SLC35F2: variants seen among roughly 807,000 people sequenced by gnomAD.
The protein encoded by SLC35F2 is solute carrier family 35 member F2.
SLC35F2 carries 25 observed loss-of-function variants against 38.1 expected under a neutral mutation model. The observed-to-expected ratio is 0.66, with a 90% confidence interval of 0.48 to 0.92. SLC35F2 has a LOEUF of 0.92. Ranked by LOEUF, SLC35F2 falls within the 40% of genes least tolerant of loss-of-function variation. The pLI, the probability that SLC35F2 is intolerant of heterozygous loss-of-function variation, is 0.00. For synonymous variants in SLC35F2, 173 were observed against 181.7 expected, an observed-to-expected ratio of 0.95 and a Z score of 0.38; for missense variants, 409 against 452.9, an observed-to-expected ratio of 0.90 and a Z score of 0.88.
At chr11:107,836,393 A>G (rs1859932718) in intron 1 of SLC35F2, among the ~76,000 whole-genome samples, 1 of 152,084 alleles carries the variant, frequency 6.6e-6, no homozygotes, top group Admixed American at 6.6e-5. Context: ...TGTAGGTGGA[A>G]GAATACTGGT....
intron 1 of SLC35F2, among the ~76,000 whole-genome samples, chr11:107,846,169 A>G (rs2134853331): frequency 6.6e-6 from 1 of 152,180 alleles, no homozygotes; most frequent in South Asian, 2.1e-4. Context: ...AGTAGAAATC[A>G]TAATTTAGAA....
intron 1 of SLC35F2, among the ~76,000 whole-genome samples, chr11:107,825,723 C>A (rs1056082535): frequency 1.3e-5 from 2 of 152,060 alleles, no homozygotes; most frequent in Admixed American, 6.6e-5. Context: ...TGCTGGTCCA[C>A]GGACCAGACT....
At chr11:107,793,679 G>A (rs140679819) in intron 7 of SLC35F2, among the ~76,000 whole-genome samples, 1 of 152,264 alleles carries the variant, frequency 6.6e-6, no homozygotes, top group East Asian at 1.9e-4. Context: ...GAATTGTAGA[G>A]CTAGAAAGAG....
chr11:107,858,694 C>T lies in SLC35F2; in HGVS notation c.74G>A (p.Ser25Asn). ...LAEGAAAEFS[S>N]LLRRIKGKLF... is the part of the protein sequence containing the mutation. ...TTTGCCTTTTATCCTGCGCAGCAGG[C>T]TGGAGAACTCGGCCGCCGCTCCCTC... Residue 25 changes from serine to asparagine, a missense_variant, in exon 1 of 8, where the codon AGC becomes AAC. By Grantham distance (46) the Ser-to-Asn change is conservative (BLOSUM62 1). Coordinates refer to ENST00000525815, the MANE Select transcript of SLC35F2 (RefSeq NM_017515.5). The T allele has an allele frequency of 3.8e-6, 5 of 1,301,974 alleles. No homozygotes were observed. Among genetic ancestry groups the T allele is most frequent in the South Asian group, 3.4e-5 (1 of 29,808 alleles). The allele number at this position is 1,301,974 out of a possible 1,614,324, so 80.7% of individuals were successfully genotyped here.
intron 1 of SLC35F2, among the ~76,000 whole-genome samples, chr11:107,844,417 C>T (rs1272939374): frequency 6.6e-6 from 1 of 151,328 alleles, no homozygotes; most frequent in Non-Finnish European, 1.5e-5. Context: ...CACCTAAGGT[C>T]AGGAGTTTGA....
intron 4 of SLC35F2, 55 bp from the exon 5 acceptor site, chr11:107,805,570 A>C: frequency 6.4e-7 from 1 of 1,569,128 alleles, no homozygotes; most frequent in East Asian, 2.3e-5. Context: ...GAACCTCCAC[A>C]GCGTGCCTCC....
intron 3 of SLC35F2, chr11:107,810,611 G>A (rs1722416419): frequency 2.0e-6 from 2 of 985,074 alleles, no homozygotes; most frequent in Admixed American, 6.2e-5. Flanking sequence ...TTCTTTTTGT[G>A]CCTCCTATAG....
At chr11:107,822,506 C>T (rs1465131820) in intron 1 of SLC35F2, among the ~76,000 whole-genome samples, 2 of 152,142 alleles carry the variant, frequency 1.3e-5, no homozygotes, top group African/African-American at 4.8e-5. Context: ...TAGTCCCAGA[C>T]CCTCTTTCTT....
chr11:107,792,648 C>A lies in SLC35F2; in HGVS notation c.1092G>T (p.Glu364Asp). ...GIDNLGLKLE[E>D]NLQETHSAVL ...CAGCAGAGTGGGTCTCCTGGAGGTTCTCCTCCAGCTTCAGCCCCAGGTTGT... is the reference window on the plus strand; with the variant it reads ...CAGCAGAGTGGGTCTCCTGGAGGTTATCCTCCAGCTTCAGCCCCAGGTTGT... The change falls in exon 8 of 8, where the codon GAG (glutamate) becomes GAT (aspartate). Residue 364 changes from glutamate (E) to aspartate (D), a missense_variant. Coordinates refer to ENST00000525815, the MANE Select transcript of SLC35F2 (RefSeq NM_017515.5). 3 of 1,613,324 alleles carry A rather than the reference C, an allele frequency of 1.9e-6. No homozygotes were observed.
intron 1 of SLC35F2, among the ~76,000 whole-genome samples, chr11:107,829,562 C>T (rs1859804623): frequency 6.6e-6 from 1 of 151,418 alleles, no homozygotes; most frequent in East Asian, 1.9e-4. Context: ...GCCTTTAGAG[C>T]TATATGAAAT....
At chr11:107,794,091 T>C (rs1425103779) in intron 7 of SLC35F2, among the ~76,000 whole-genome samples, 1 of 151,612 alleles carries the variant, frequency 6.6e-6, no homozygotes, top group Admixed American at 6.6e-5. Flanking sequence ...TTCTTTTTTT[T>C]TTTTTTTTAG....
chr11:107,837,672 C>T (rs556031889), intron 1 of SLC35F2, among the ~76,000 whole-genome samples: 15 of 151,824 alleles, frequency 9.9e-5, no homozygotes, highest in South Asian at 2.1e-4. Flanking sequence ...CCAGCCTGGG[C>T]GACAGAGTGA....
At chr11:107,844,621 CCAAT>C (rs1860072647) in intron 1 of SLC35F2, among the ~76,000 whole-genome samples, 1 of 122,680 alleles carries the variant, frequency 8.2e-6, no homozygotes, top group African/African-American at 2.9e-5. Flanking sequence ...GACTCCTTCT[CCAAT>C]AAATAAATAA....
intron 3 of SLC35F2, 88 bp downstream of exon 3, chr11:107,811,579 T>C: frequency 1.6e-6 from 2 of 1,283,316 alleles, no homozygotes; most frequent in Non-Finnish European, 2.1e-6. Context: ...AGTGAATAGA[T>C]TTTCAATAAA....
At chr11:107,829,296 G>A (rs1164875046) in intron 1 of SLC35F2, among the ~76,000 whole-genome samples, 1 of 151,998 alleles carries the variant, frequency 6.6e-6, no homozygotes, top group African/African-American at 2.4e-5. Flanking sequence ...GCAGGTGCCT[G>A]TGATCCCAGC....
intron 6 of SLC35F2, among the ~76,000 whole-genome samples, chr11:107,804,084 C>T (rs897670309): frequency 6.6e-6 from 1 of 151,782 alleles, no homozygotes; most frequent in African/African-American, 2.4e-5. Context: ...GATCCACCCA[C>T]CTCAGCCTCC....
intron 1 of SLC35F2, among the ~76,000 whole-genome samples, chr11:107,828,205 G>C (rs866460419): frequency 2.6e-5 from 4 of 152,154 alleles, no homozygotes; most frequent in Non-Finnish European, 5.9e-5. Flanking sequence ...GGGAGGCTGA[G>C]GCAGGTGGAT....
At chr11:107,811,525 G>T in intron 3 of SLC35F2, 142 bp downstream of exon 3, 1 of 752,038 alleles carries the variant, frequency 1.3e-6, no homozygotes, top group Non-Finnish European at 2.1e-6. Flanking sequence ...TAGAGCATAT[G>T]CTCTACTAGA....
chr11:107,806,947 A>C, intron 3 of SLC35F2, 71 bp from the exon 4 acceptor site: 1 of 1,394,282 alleles, frequency 7.2e-7, no homozygotes, highest in East Asian at 2.3e-5. Flanking sequence ...TTAAGAAATA[A>C]TAGGAGTCAG....
Sources: gnomAD v4.1 joint callset for allele counts (sites outside exome capture counted in the v4.1 genomes callset) on GRCh38, gnomAD v4.1.1 for gene constraint, MANE v1.5 for transcripts, NCBI Gene and HGNC (gene_info 2026-07-23, HGNC 2026-07-21) for gene names.